Variants in USP6NL observed in about 807,000 individuals in gnomAD.
USP6NL encodes the protein USP6 N-terminal-like protein.
USP6NL carries 26 observed loss-of-function variants against 61.9 expected under a neutral mutation model. That is an observed-to-expected ratio of 0.42 (90% CI 0.31 to 0.58). The LOEUF (loss-of-function observed/expected upper bound fraction) is 0.58, where lower values mean the gene tolerates loss of function less well. USP6NL is among the 20% of genes least tolerant of loss of function. USP6NL has a pLI of 0.16. For missense variants in USP6NL, 1,114 were observed against 1,034.3 expected (o/e 1.08, Z -1.06); for synonymous variants, 432 against 390.1 (o/e 1.11, Z -1.27).
At chr10:11,524,546 T>C (rs1029361059) in intron 4 of USP6NL, among the ~76,000 whole-genome samples, 1 of 152,104 alleles carries the variant, frequency 6.6e-6, no homozygotes, top group African/African-American at 2.4e-5. Flanking sequence ...AAATAAATTC[T>C]AGACTCAGAA....
chr10:11,463,125 G>A lies in USP6NL; in HGVS notation c.1803C>T (p.Asn601=). 2 of 1,614,002 alleles carry A rather than the reference G, an allele frequency of 1.2e-6. No individual in the cohort carries two copies. The highest frequency in any genetic ancestry group is 1.7e-6 in the Non-Finnish European group (2 of 1,179,894). ...EPSSSPSKVS[N]KFTFKVQPPS... is the part of the protein sequence containing the mutation. ...GAGGCTGTACTTTAAAAGTAAACTT[G>A]TTGGATACTTTTGATGGACTAGAAC... The change falls in exon 15 of 15, where the codon AAC becomes AAT. Residue 601 remains asparagine (N), a synonymous_variant. Coordinates refer to ENST00000609104, the MANE Select transcript of USP6NL (RefSeq NM_014688.5). This position sits in a 1 kb window ranked among gnomAD's most constrained non-coding sequence, Gnocchi z 6.3.
intron 6 of USP6NL, among the ~76,000 whole-genome samples, chr10:11,503,800 C>T (rs1458913043): frequency 6.6e-6 from 1 of 152,122 alleles, no homozygotes; most frequent in East Asian, 1.9e-4. Flanking sequence ...ATACCAACAA[C>T]TCAATTTTAC....
At position 11,474,063 on chromosome 10, in the gene USP6NL, G is replaced by C. The variant is rs2133191544; in HGVS notation, c.1078+7707C>G. Among the ~76,000 whole-genome samples, 2 of 152,298 alleles carry C rather than the reference G, an allele frequency of 1.3e-5. No individual in the cohort carries two copies. Among genetic ancestry groups the C allele is most frequent in the East Asian group, 3.9e-4 (2 of 5,184 alleles). ...ACCTGGAGTTCCAGCTCATGCTTCA[G>C]CTGACTGAGAAAGTACACCCCAAGT... On this transcript the variant is annotated intron_variant, in intron 14 of 14. Coordinates refer to ENST00000609104, the MANE Select transcript of USP6NL (RefSeq NM_014688.5). The surrounding 1 kb of genome is among the most constrained non-coding windows in gnomAD (Gnocchi z 4.9).
At position 11,463,361 on chromosome 10, in the gene USP6NL, C is replaced by T; in HGVS notation, c.1567G>A (p.Ala523Thr). The T allele has an allele frequency of 1.2e-6, 2 of 1,614,000 alleles. No individual in the cohort carries two copies. Among genetic ancestry groups the T allele is most frequent in the Non-Finnish European group, 1.7e-6 (2 of 1,179,894 alleles). The stretch of plus-strand genomic sequence containing the variant: ...CGCACGTTTGACACCCGCACCTCGG[C>T]AGGACCTGGGACGGTAACTGCGAGC... Reference protein sequence around the residue: ...PALAVTVPGPAEVRVSNVRPK... With the variant: ...PALAVTVPGPTEVRVSNVRPK... The change falls in exon 15 of 15, where the codon GCC (alanine) becomes ACC (threonine). Residue 523 changes from alanine to threonine, a missense_variant. By Grantham distance (58) the Ala-to-Thr change is moderately conservative. Coordinates refer to ENST00000609104, the MANE Select transcript of USP6NL (RefSeq NM_014688.5). The surrounding 1 kb of genome is among the most constrained non-coding windows in gnomAD (Gnocchi z 6.3).
At chr10:11,563,836 C>A (rs149524215) in intron 2 of USP6NL, 1 of 152,326 alleles carries the variant, frequency 6.6e-6, no homozygotes, top group Non-Finnish European at 1.5e-5. Flanking sequence ...ACACAGACGA[C>A]TCCCAGCCCC....
At chr10:11,590,482 A>T (rs1838127567) in intron 2 of USP6NL, among the ~76,000 whole-genome samples, 1 of 152,226 alleles carries the variant, frequency 6.6e-6, no homozygotes, top group Non-Finnish European at 1.5e-5. Flanking sequence ...GTGGAATTTT[A>T]TTCAGACCAT....
rs1299387962 is a variant in USP6NL, at chr10:11,602,843, T to C, written c.-83-5126A>G. The stretch of plus-strand genomic sequence containing the variant: ...GGTAAGAGATACTCAACCTGTCATA[T>C]CTTCTCATTAGAAATTATTTCAGTT... On this transcript the variant is annotated intron_variant, in intron 1 of 14. Transcript: ENST00000609104. This position sits in a 1 kb window ranked among gnomAD's most constrained non-coding sequence, Gnocchi z 4.8. Among the ~76,000 whole-genome samples, 1 of 152,202 alleles carries C rather than the reference T, an allele frequency of 6.6e-6. No homozygotes were observed. The highest frequency in any genetic ancestry group is 6.5e-5 in the Admixed American group (1 of 15,278).
intron 2 of USP6NL, among the ~76,000 whole-genome samples, chr10:11,535,504 A>C (rs1448154088): frequency 6.6e-6 from 1 of 152,198 alleles, no homozygotes; most frequent in Non-Finnish European, 1.5e-5. Flanking sequence ...ACCAGTAAGC[A>C]GGGAAAAGTA....
At chr10:11,493,314 A>G in intron 7 of USP6NL, 86 bp from the exon 8 acceptor site, 1 of 1,214,676 alleles carries the variant, frequency 8.2e-7, no homozygotes, top group Non-Finnish European at 1.1e-6. Context: ...CTCATTAAAA[A>G]GTTTTTGGTT....
chr10:11,470,788 G>A lies in USP6NL; in HGVS notation c.1079-6939C>T, dbSNP rs1030817341. On this transcript the variant is annotated intron_variant, in intron 14 of 14. Transcript: ENST00000609104. The surrounding 1 kb of genome is among the most constrained non-coding windows in gnomAD (Gnocchi z 5.4). ...ATAAGCATTCCTATTTATTATCCAC[G>A]CTTGCATTCTGGGCTTCTTTTCAAT... 2.0e-5 allele frequency among the ~76,000 whole-genome samples: 3 copies of A among 152,122 alleles called. No homozygotes were observed. The highest frequency in any genetic ancestry group is 7.2e-5 in the African/African-American group (3 of 41,426).
intron 2 of USP6NL, among the ~76,000 whole-genome samples, chr10:11,551,295 A>G (rs1401380180): frequency 6.6e-6 from 1 of 152,224 alleles, no homozygotes; most frequent in Non-Finnish European, 1.5e-5. Flanking sequence ...AAAGGAAAAA[A>G]CTGCTGATAA....
chr10:11,537,470 G>A lies in USP6NL; in HGVS notation c.5-9903C>T, dbSNP rs757577674. On this transcript the variant is annotated intron_variant, in intron 2 of 14. Transcript: ENST00000609104. The surrounding 1 kb of genome is among the most constrained non-coding windows in gnomAD (Gnocchi z 5.1). ...CAATCAAAGTGTTCAAAAGAAATAA[G>A]CCTAAATGTTCTTCAATTTTAACTT... Among the ~76,000 whole-genome samples, 1 of 152,068 alleles carries A rather than the reference G, an allele frequency of 6.6e-6. No homozygotes were observed. The highest frequency in any genetic ancestry group is 1.5e-5 in the Non-Finnish European group (1 of 68,012).
In USP6NL at chr10:11,499,959, T is replaced by C. The variant is rs771051009; in HGVS notation, c.384+1142A>G. ...CACCTACCATATGCTAGGCACACTG[T>C]ACTAGGTGCTGGGGTTATATTTCAT... On this transcript the variant is annotated intron_variant, in intron 7 of 14. Transcript: ENST00000609104. The surrounding 1 kb of genome is among the most constrained non-coding windows in gnomAD (Gnocchi z 4.5). Among the ~76,000 whole-genome samples, 5 of 152,210 alleles carry C rather than the reference T, an allele frequency of 3.3e-5. No individual in the cohort carries two copies.
intron 2 of USP6NL, chr10:11,573,386 CTCT>C (rs1837430055): frequency 2.8e-6 from 1 of 362,366 alleles, no homozygotes; most frequent in Non-Finnish European, 4.9e-6. Context: ...TACTCTGTAC[CTCT>C]TAATAATATC....
intron 2 of USP6NL, chr10:11,563,968 C>T (rs1566183821): frequency 6.6e-6 from 1 of 152,204 alleles, no homozygotes; most frequent in Non-Finnish European, 1.5e-5. Context: ...ATTAATAAAA[C>T]TTCAGGGAAT....
Position 11,561,409 on chromosome 10 carries a change from A to C in USP6NL, c.5-33842T>G, listed in dbSNP as rs1318414503. Among the ~76,000 whole-genome samples the C allele has an allele frequency of 6.6e-6, 1 of 152,256 alleles. No individual in the cohort carries two copies. The highest frequency in any genetic ancestry group is 1.5e-5 in the Non-Finnish European group (1 of 68,036). On this transcript the variant is annotated intron_variant, in intron 2 of 14. Coordinates refer to ENST00000609104, the MANE Select transcript of USP6NL (RefSeq NM_014688.5). The surrounding 1 kb of genome is among the most constrained non-coding windows in gnomAD (Gnocchi z 4.1). ...TTTAAACATACCATACACAGGATAC[A>C]CATGTGCATACGTGCACAAGAACAT...
rs1205604785 is a variant in USP6NL, at chr10:11,561,740, G to C, written c.5-34173C>G. Among the ~76,000 whole-genome samples the C allele has an allele frequency of 6.6e-6, 1 of 152,174 alleles. No homozygotes were observed. The highest frequency in any genetic ancestry group is 1.9e-4 in the East Asian group (1 of 5,206). The stretch of plus-strand genomic sequence containing the variant: ...TGGTATTTCTATAGAATACTGACTT[G>C]CAGACTAGAATTAGTAGGCCAGATG... On this transcript the variant is annotated intron_variant, in intron 2 of 14. Transcript: ENST00000609104. The surrounding 1 kb of genome is among the most constrained non-coding windows in gnomAD (Gnocchi z 4.1).
At chr10:11,580,317 G>C (rs899006050) in intron 2 of USP6NL, among the ~76,000 whole-genome samples, 2 of 151,944 alleles carry the variant, frequency 1.3e-5, no homozygotes, top group African/African-American at 4.8e-5. Flanking sequence ...TCTCCATTTT[G>C]GCAGAAAGAA....
Position 11,496,512 on chromosome 10 carries a change from T to A in USP6NL, c.385-3284A>T, listed in dbSNP as rs111846431. Among the ~76,000 whole-genome samples the A allele has an allele frequency of 1.3e-5, 2 of 152,322 alleles. No homozygotes were observed. Among genetic ancestry groups the A allele is most frequent in the African/African-American group, 4.8e-5 (2 of 41,570 alleles). On this transcript the variant is annotated intron_variant, in intron 7 of 14. Transcript: ENST00000609104. This position sits in a 1 kb window ranked among gnomAD's most constrained non-coding sequence, Gnocchi z 5.4. ...GGGTTTGCCTTTTTATAATAAAAAC[T>A]CTGCTATCAATTTAGTGGCATTTCA...
Sources: allele counts gnomAD v4.1 joint callset (sites outside exome capture counted in the v4.1 genomes callset), GRCh38; gene constraint gnomAD v4.1.1; non-coding constraint Gnocchi (gnomAD v3.1); transcripts MANE v1.5; gene names NCBI Gene and HGNC (gene_info 2026-07-23, HGNC 2026-07-21).